ABCB5: variants seen among roughly 807,000 people sequenced by gnomAD.
ABCB5 encodes ATP-binding cassette sub-family B member 5.
In ABCB5, 155 loss-of-function variants were observed where a neutral mutation model predicts 144.2. That is an observed-to-expected ratio of 1.08 (90% CI 0.94 to 1.23). ABCB5 has a LOEUF of 1.23. ABCB5 is among the 50% of genes most tolerant of loss of function. The pLI is 0.00. For missense variants in ABCB5, 1,830 were observed against 1,520.8 expected, an observed-to-expected ratio of 1.20 and a Z score of -3.38; for synonymous variants, 610 against 528.6, an observed-to-expected ratio of 1.15 and a Z score of -2.11.
chr7:20,686,426 A>C (rs985957812), intron 16 of ABCB5, among the ~76,000 whole-genome samples: 1 of 151,966 alleles, frequency 6.6e-6, no homozygotes, highest in African/African-American at 2.4e-5. Flanking sequence ...TCTGCACCTG[A>C]AGTCTCACTT....
At chr7:20,701,133 G>A (rs550479034) in intron 19 of ABCB5, among the ~76,000 whole-genome samples, 3 of 152,140 alleles carry the variant, frequency 2.0e-5, no homozygotes, top group Admixed American at 6.6e-5. Flanking sequence ...TCCACATTTG[G>A]AGACACTCCT....
At chr7:20,723,877 T>A (rs1781950409) in intron 21 of ABCB5, among the ~76,000 whole-genome samples, 1 of 152,238 alleles carries the variant, frequency 6.6e-6, no homozygotes, top group Admixed American at 6.5e-5. Context: ...CCAATTTATT[T>A]AATCATTTGG....
chr7:20,713,385 T>C (rs1478979955), intron 20 of ABCB5, among the ~76,000 whole-genome samples: 1 of 148,914 alleles, frequency 6.7e-6, no homozygotes, highest in African/African-American at 2.5e-5. Flanking sequence ...GAGAGGTACA[T>C]GGTACCACAC....
chr7:20,673,023 C>T (rs1785498194), intron 14 of ABCB5, among the ~76,000 whole-genome samples: 2 of 151,948 alleles, frequency 1.3e-5, no homozygotes, highest in South Asian at 4.2e-4. Flanking sequence ...TCTTAAGTTA[C>T]ATATGAAGTC....
chr7:20,657,471 T>C (rs7785407), intron 13 of ABCB5, among the ~76,000 whole-genome samples: 47,479 of 152,028 alleles, frequency 0.31, 7,604 homozygotes, highest in African/African-American at 0.36. Context: ...TGATACAACA[T>C]GGATGAATAT....
intron 14 of ABCB5, among the ~76,000 whole-genome samples, chr7:20,667,895 T>G (rs1469845675): frequency 5.8e-5 from 8 of 138,264 alleles, no homozygotes; most frequent in African/African-American, 1.6e-4. Context: ...CTGGTTTTCG[T>G]TTTTTTTTTG....
chr7:20,620,622 G>T (rs1252518784), intron 1 of ABCB5, among the ~76,000 whole-genome samples: 4 of 151,726 alleles, frequency 2.6e-5, no homozygotes, highest in African/African-American at 7.3e-5. Flanking sequence ...ATATACAAAT[G>T]AGCAGTAAGC....
chr7:20,744,196 T>C (rs901033321), intron 25 of ABCB5, among the ~76,000 whole-genome samples: 3 of 151,984 alleles, frequency 2.0e-5, no homozygotes, highest in African/African-American at 7.2e-5. Context: ...TCCCAAGTAG[T>C]AGCTGAGATT....
At chr7:20,650,440 A>G (rs1784546793) in intron 12 of ABCB5, among the ~76,000 whole-genome samples, 3 of 152,212 alleles carry the variant, frequency 2.0e-5, no homozygotes, top group Admixed American at 2.0e-4. Flanking sequence ...AGTAAATTAT[A>G]TAGTATGTTA....
At chr7:20,735,997 A>G (rs1782367646) in intron 23 of ABCB5, among the ~76,000 whole-genome samples, 1 of 152,172 alleles carries the variant, frequency 6.6e-6, no homozygotes, top group Non-Finnish European at 1.5e-5. Context: ...CTATCTGTTG[A>G]GAAAAGGATT....
intron 20 of ABCB5, among the ~76,000 whole-genome samples, chr7:20,705,964 G>A (rs976398785): frequency 2.6e-5 from 4 of 152,112 alleles, no homozygotes; most frequent in South Asian, 2.1e-4. Context: ...GAAAGAGCTC[G>A]AGAGGAAAGT....
intron 14 of ABCB5, among the ~76,000 whole-genome samples, chr7:20,669,140 C>G (rs1475550251): frequency 1.3e-5 from 2 of 150,560 alleles, no homozygotes; most frequent in South Asian, 2.1e-4. Flanking sequence ...CTGCCCCATC[C>G]GGGAGGTGAG....
intron 20 of ABCB5, among the ~76,000 whole-genome samples, chr7:20,706,752 C>T (rs1786837428): frequency 6.6e-6 from 1 of 152,130 alleles, no homozygotes; most frequent in South Asian, 2.1e-4. Flanking sequence ...GTCAGTAAAA[C>T]TCTCAGGCTG....
intron 23 of ABCB5, among the ~76,000 whole-genome samples, chr7:20,737,626 T>C (rs1199115294): frequency 6.6e-6 from 1 of 152,208 alleles, no homozygotes; most frequent in African/African-American, 2.4e-5. Flanking sequence ...CCTCTACCCC[T>C]TTGGGACTAG....
intron 16 of ABCB5, among the ~76,000 whole-genome samples, chr7:20,697,237 G>T (rs987280380): frequency 1.3e-5 from 2 of 152,062 alleles, no homozygotes; most frequent in African/African-American, 4.8e-5. Flanking sequence ...GACTTTAAAG[G>T]CATCAGAATT....
chr7:20,652,104 A>C (rs1784614488), intron 13 of ABCB5, among the ~76,000 whole-genome samples: 1 of 152,280 alleles, frequency 6.6e-6, no homozygotes, highest in Non-Finnish European at 1.5e-5. Flanking sequence ...AATATGAAAC[A>C]AAATCATCAG....
intron 16 of ABCB5, among the ~76,000 whole-genome samples, chr7:20,689,766 T>A (rs1191817729): frequency 6.6e-6 from 1 of 152,188 alleles, no homozygotes. Context: ...CGGCACCCTC[T>A]ACTGACAGGG....
chr7:20,638,507 C>G (rs534747947), intron 5 of ABCB5, among the ~76,000 whole-genome samples: 3 of 152,272 alleles, frequency 2.0e-5, no homozygotes, highest in East Asian at 1.9e-4. Context: ...TCATTTGCAA[C>G]CAATCCCTAT....
At chr7:20,664,933 A>G (rs1785124694) in intron 14 of ABCB5, among the ~76,000 whole-genome samples, 1 of 152,204 alleles carries the variant, frequency 6.6e-6, no homozygotes, top group South Asian at 2.1e-4. Flanking sequence ...TAAATAAAAT[A>G]ATAAAATGAT....
Sources: gnomAD v4.1 joint callset for allele counts (sites outside exome capture counted in the v4.1 genomes callset) on GRCh38, gnomAD v4.1.1 for gene constraint, MANE v1.5 for transcripts, NCBI Gene and HGNC (gene_info 2026-07-23, HGNC 2026-07-21) for gene names.